FBN2: variants seen among roughly 807,000 people sequenced by gnomAD.
FBN2 encodes fibrillin 2.
Under a neutral mutation model 355.6 loss-of-function variants are expected in FBN2, and 105 were observed. That is an observed-to-expected ratio of 0.30 (90% CI 0.25 to 0.35). The LOEUF (loss-of-function observed/expected upper bound fraction) is 0.35, where lower values mean the gene tolerates loss of function less well. FBN2 is among the 10% of genes least tolerant of loss of function. FBN2 has a pLI of 1.00. For missense variants in FBN2, 3,280 were observed against 3,758.7 expected (o/e 0.87, Z 3.33); for synonymous variants, 1,350 against 1,301.2 (o/e 1.04, Z -0.81).
intron 4 of FBN2, among the ~76,000 whole-genome samples, chr5:128,524,979 A>G (rs1031686148): frequency 1.3e-5 from 2 of 152,180 alleles, no homozygotes; most frequent in Non-Finnish European, 2.9e-5. Flanking sequence ...ACATCAAAGC[A>G]TTTTAGAAGC....
At chr5:128,444,641 G>A (rs1754019579) in intron 7 of FBN2, among the ~76,000 whole-genome samples, 1 of 152,200 alleles carries the variant, frequency 6.6e-6, no homozygotes, top group Non-Finnish European at 1.5e-5. Context: ...CAGGGCTTTG[G>A]GTGGTGCCTA....
intron 18 of FBN2, among the ~76,000 whole-genome samples, chr5:128,362,292 TA>T (rs1370671481): frequency 2.6e-5 from 4 of 152,228 alleles, no homozygotes; most frequent in Admixed American, 6.5e-5. Context: ...CCCAGATGGT[TA>T]AAAAATGCAT....
intron 8 of FBN2, among the ~76,000 whole-genome samples, chr5:128,400,273 A>T (rs888845829): frequency 1.3e-5 from 2 of 152,076 alleles, no homozygotes; most frequent in Non-Finnish European, 2.9e-5. Context: ...ATAAAGAAAA[A>T]AAAATAGAGT....
intron 7 of FBN2, among the ~76,000 whole-genome samples, chr5:128,419,023 G>T (rs1412359049): frequency 2.0e-5 from 3 of 152,122 alleles, no homozygotes; most frequent in Non-Finnish European, 4.4e-5. Flanking sequence ...ATTTAACAAG[G>T]CTTTACAGTT....
At chr5:128,397,165 G>C (rs1752673052) in intron 8 of FBN2, among the ~76,000 whole-genome samples, 1 of 152,080 alleles carries the variant, frequency 6.6e-6, no homozygotes, top group Admixed American at 6.6e-5. Context: ...AACTTGAGTT[G>C]GATTTGGACA....
intron 7 of FBN2, among the ~76,000 whole-genome samples, chr5:128,432,646 T>C (rs1338091477): frequency 6.6e-6 from 1 of 152,188 alleles, no homozygotes; most frequent in Non-Finnish European, 1.5e-5. Flanking sequence ...AGACTGCATT[T>C]AGTGACTGGC....
chr5:128,369,384 G>T, intron 15 of FBN2, 50 bp from the exon 16 acceptor site: 1 of 1,601,156 alleles, frequency 6.2e-7, no homozygotes, highest in Non-Finnish European at 8.5e-7. Context: ...GAGACAAAGA[G>T]ATTTCGAAAC....
intron 5 of FBN2, among the ~76,000 whole-genome samples, chr5:128,479,223 T>C (rs1226207714): frequency 6.6e-6 from 1 of 152,104 alleles, no homozygotes; most frequent in Non-Finnish European, 1.5e-5. Flanking sequence ...AGTCCCAAAG[T>C]TCCTTTGTTT....
intron 5 of FBN2, among the ~76,000 whole-genome samples, chr5:128,473,816 T>A (rs529941699): frequency 2.6e-5 from 4 of 152,376 alleles, no homozygotes; most frequent in African/African-American, 9.6e-5. Context: ...TCTCTGTGCA[T>A]TGAGAGAAAC....
intron 31 of FBN2, among the ~76,000 whole-genome samples, chr5:128,334,450 G>T: frequency 6.6e-6 from 1 of 152,034 alleles, no homozygotes. Flanking sequence ...ACCATAAGTG[G>T]TCAGGGCCAT....
chr5:128,490,281 A>G (rs1250335509), intron 5 of FBN2, among the ~76,000 whole-genome samples: 3 of 152,222 alleles, frequency 2.0e-5, no homozygotes, highest in African/African-American at 7.2e-5. Flanking sequence ...CTCTGTTTTA[A>G]CAGATGTTAG....
At chr5:128,344,266 A>T in intron 25 of FBN2, 119 bp downstream of exon 25, 1 of 1,062,512 alleles carries the variant, frequency 9.4e-7, no homozygotes, top group Non-Finnish European at 1.4e-6. Context: ...AGAAATTAAT[A>T]AATAAATAAA....
chr5:128,369,095 C>T (rs990296012), intron 16 of FBN2, 87 bp downstream of exon 16: 2 of 1,318,706 alleles, frequency 1.5e-6, no homozygotes, highest in Non-Finnish European at 2.2e-6. Flanking sequence ...TGATGAAACA[C>T]TTAAGAGCTG....
At position 128,536,387 on chromosome 5, in the gene FBN2, C is replaced by T; in HGVS notation, c.337+15G>A. ...AGTGCGCTGCCCCAAGCTGCGATCCCTGCCAAGCACTCACGGACAATGCAC... is the reference window on the plus strand; with the variant it reads ...AGTGCGCTGCCCCAAGCTGCGATCCTTGCCAAGCACTCACGGACAATGCAC... On this transcript the variant is annotated intron_variant, in intron 2 of 64. Coordinates refer to ENST00000262464, the MANE Select transcript of FBN2 (RefSeq NM_001999.4). 1 of 1,611,348 alleles carries T rather than the reference C, an allele frequency of 6.2e-7. No individual in the cohort carries two copies. The highest frequency in any genetic ancestry group is 8.5e-7 in the Non-Finnish European group (1 of 1,177,700).
chr5:128,301,841 G>A (rs537204495), intron 46 of FBN2, among the ~76,000 whole-genome samples: 11 of 152,222 alleles, frequency 7.2e-5, no homozygotes, highest in African/African-American at 2.4e-4. Context: ...CCACAGGCAG[G>A]AGGATATGTG....
intron 8 of FBN2, among the ~76,000 whole-genome samples, chr5:128,399,490 TA>T (rs1447984659): frequency 2.0e-5 from 3 of 152,130 alleles, no homozygotes; most frequent in Non-Finnish European, 4.4e-5. Flanking sequence ...GTTTTTTTGA[TA>T]AACAAAATGT....
At chr5:128,355,767 T>G (rs2126929124) in intron 20 of FBN2, among the ~76,000 whole-genome samples, 1 of 151,764 alleles carries the variant, frequency 6.6e-6, no homozygotes, top group East Asian at 1.9e-4. Context: ...CATTTTGAGC[T>G]GCTCTACACT....
chr5:128,392,227 G>A (rs1270337055), intron 10 of FBN2, 72 bp from the exon 11 acceptor site: 42 of 1,340,226 alleles, frequency 3.1e-5, no homozygotes, highest in Non-Finnish European at 4.4e-5. Context: ...GATTTTTAAA[G>A]GACATTTAAT....
At chr5:128,505,005 C>G (rs1427670330) in intron 5 of FBN2, among the ~76,000 whole-genome samples, 1 of 152,194 alleles carries the variant, frequency 6.6e-6, no homozygotes, top group Non-Finnish European at 1.5e-5. Flanking sequence ...ATAAGTCTCA[C>G]AAGATCTGAT....
Sources: gnomAD v4.1 joint callset for allele counts (sites outside exome capture counted in the v4.1 genomes callset) on GRCh38, gnomAD v4.1.1 for gene constraint, MANE v1.5 for transcripts, NCBI Gene and HGNC (gene_info 2026-07-23, HGNC 2026-07-21) for gene names.